The following EYA2 variants were observed in gnomAD, a reference collection of about 807,000 sequenced individuals.
EYA2 encodes EYA transcriptional coactivator and phosphatase 2.
EYA2 carries 31 observed loss-of-function variants against 69.2 expected under a neutral mutation model. The ratio of observed to expected loss-of-function variants is 0.45; its 90% CI spans 0.34 to 0.60. EYA2 has a LOEUF of 0.60. EYA2 is among the 20% of genes least tolerant of loss of function. The pLI is 0.02. For missense variants in EYA2, 622 were observed against 701.2 expected, an observed-to-expected ratio of 0.89 and a Z score of 1.28; for synonymous variants, 257 against 279.4, an observed-to-expected ratio of 0.92 and a Z score of 0.80.
At chr20:47,145,262 C>T (rs2033676528) in intron 10 of EYA2, among the ~76,000 whole-genome samples, 1 of 152,098 alleles carries the variant, frequency 6.6e-6, no homozygotes, top group African/African-American at 2.4e-5. Flanking sequence ...CCAGGGAAGG[C>T]CTCTTAAGGC....
intron 1 of EYA2, among the ~76,000 whole-genome samples, chr20:46,922,366 G>C (rs1985216585): frequency 6.6e-6 from 1 of 152,150 alleles, no homozygotes; most frequent in South Asian, 2.1e-4. Context: ...CCAGGGGAAA[G>C]GAAATGGGGA....
At chr20:46,958,746 T>C (rs1456085045) in intron 1 of EYA2, among the ~76,000 whole-genome samples, 1 of 152,162 alleles carries the variant, frequency 6.6e-6, no homozygotes, top group African/African-American at 2.4e-5. Flanking sequence ...TGTGTGTCCA[T>C]GTATTCTCAT....
chr20:47,154,555 G>C (rs1405867863), intron 10 of EYA2, among the ~76,000 whole-genome samples: 1 of 152,016 alleles, frequency 6.6e-6, no homozygotes, highest in Non-Finnish European at 1.5e-5. Flanking sequence ...CCATGGTGCT[G>C]TGTTGCCCCT....
intron 7 of EYA2, among the ~76,000 whole-genome samples, chr20:47,076,792 C>T (rs1397743197): frequency 6.6e-6 from 1 of 152,154 alleles, no homozygotes; most frequent in Admixed American, 6.5e-5. Flanking sequence ...TTCCTGGGTT[C>T]GTTCCGTTCT....
chr20:47,181,630 C>T lies in EYA2; in HGVS notation c.1435+694C>T, dbSNP rs573013767. Reference sequence around the variant, plus strand: ...CTCAAGCAATCCTTCCACCTCAGCCCCCAAAGTACTGGGACTACAGGCATG... The same window carrying T: ...CTCAAGCAATCCTTCCACCTCAGCCTCCAAAGTACTGGGACTACAGGCATG... On this transcript the variant is annotated intron_variant, in intron 14 of 15. Transcript: ENST00000327619. Among the ~76,000 whole-genome samples, 9 of 152,250 alleles carry T rather than the reference C, an allele frequency of 5.9e-5. No individual in the cohort carries two copies. The East Asian group carries it at 1.5e-3, about 26-fold the overall frequency.
intron 10 of EYA2, among the ~76,000 whole-genome samples, chr20:47,153,864 A>C (rs965122270): frequency 2.6e-5 from 4 of 152,010 alleles, no homozygotes; most frequent in Admixed American, 2.0e-4. Context: ...AAGACCTTGA[A>C]GGAGGTATTT....
intron 11 of EYA2, among the ~76,000 whole-genome samples, chr20:47,169,818 G>C (rs1165655465): frequency 6.6e-6 from 1 of 152,088 alleles, no homozygotes; most frequent in Non-Finnish European, 1.5e-5. Context: ...AGAGTTTCAC[G>C]TGCTTCTCCT....
chr20:47,051,091 C>T (rs932071416), intron 5 of EYA2, among the ~76,000 whole-genome samples: 11 of 152,260 alleles, frequency 7.2e-5, no homozygotes, highest in East Asian at 1.9e-4. Context: ...GTCACTCTGT[C>T]GCTAACCAGA....
chr20:47,075,164 C>A (rs1320260748), intron 7 of EYA2, among the ~76,000 whole-genome samples: 1 of 152,192 alleles, frequency 6.6e-6, no homozygotes, highest in Admixed American at 6.5e-5. Flanking sequence ...TGAGCACATA[C>A]CTGTGTGGTC....
At chr20:47,172,644 TC>T in intron 11 of EYA2, 62 bp from the exon 12 acceptor site, 1 of 1,515,066 alleles carries the variant, frequency 6.6e-7, no homozygotes, top group Non-Finnish European at 8.9e-7. Flanking sequence ...GCCTGTGGTC[TC>T]CCAGGGAAGA....
intron 9 of EYA2, among the ~76,000 whole-genome samples, chr20:47,119,752 C>T (rs181446234): frequency 6.6e-6 from 1 of 152,146 alleles, no homozygotes; most frequent in African/African-American, 2.4e-5. Context: ...GGGTGCACAA[C>T]ATTGTACCCT....
intron 9 of EYA2, 138 bp downstream of exon 9, chr20:47,097,306 T>A: frequency 1.6e-6 from 1 of 623,966 alleles, no homozygotes; most frequent in Non-Finnish European, 2.7e-6. Context: ...AGCCCAGGTT[T>A]AAAAATTCCT....
At chr20:47,165,651 G>T (rs1172008118) in intron 10 of EYA2, among the ~76,000 whole-genome samples, 2 of 152,194 alleles carry the variant, frequency 1.3e-5, no homozygotes, top group Non-Finnish European at 2.9e-5. Context: ...TTTGTCACCT[G>T]CCACAAAGTT....
intron 2 of EYA2, among the ~76,000 whole-genome samples, chr20:47,001,224 C>T (rs111444217): frequency 2.6e-5 from 4 of 151,960 alleles, no homozygotes; most frequent in African/African-American, 7.3e-5. Flanking sequence ...TGCACAGAGA[C>T]GAAGTGCACC....
intron 1 of EYA2, among the ~76,000 whole-genome samples, chr20:46,918,530 C>A (rs1180126249): frequency 6.6e-6 from 1 of 152,138 alleles, no homozygotes; most frequent in Non-Finnish European, 1.5e-5. Context: ...TGGTCTCGAA[C>A]TCCCGCACTC....
intron 10 of EYA2, among the ~76,000 whole-genome samples, chr20:47,160,440 A>T (rs1487671664): frequency 6.6e-6 from 1 of 152,118 alleles, no homozygotes; most frequent in Non-Finnish European, 1.5e-5. Context: ...GTTATAGCTT[A>T]CTAACCTCTG....
intron 5 of EYA2, among the ~76,000 whole-genome samples, chr20:47,054,340 T>A (rs777323608): frequency 1.8e-4 from 27 of 152,208 alleles, no homozygotes; most frequent in Non-Finnish European, 3.4e-4. Context: ...AGGAAATAGA[T>A]CACGTCTCAT....
At chr20:47,161,247 A>C (rs2034059828) in intron 10 of EYA2, 1 of 528,784 alleles carries the variant, frequency 1.9e-6, no homozygotes, top group Admixed American at 2.5e-5. Flanking sequence ...GGGACAATGG[A>C]GAGCTAGCCC....
chr20:46,971,409 GAA>G (rs1441648511), intron 1 of EYA2, among the ~76,000 whole-genome samples: 2 of 152,142 alleles, frequency 1.3e-5, no homozygotes, highest in African/African-American at 2.4e-5. Flanking sequence ...ATAGGAATGG[GAA>G]AAAGAGGAAG....
Sources: allele counts gnomAD v4.1 joint callset (sites outside exome capture counted in the v4.1 genomes callset), GRCh38; gene constraint gnomAD v4.1.1; transcripts MANE v1.5; gene names NCBI Gene and HGNC (gene_info 2026-07-23, HGNC 2026-07-21).